The following PDE4D variants were observed in gnomAD, a reference collection of about 807,000 sequenced individuals.
The protein encoded by PDE4D is 3',5'-cyclic-AMP phosphodiesterase 4D.
PDE4D carries 24 observed loss-of-function variants against 87.4 expected under a neutral mutation model. The ratio of observed to expected loss-of-function variants is 0.27; its 90% CI spans 0.20 to 0.39. The LOEUF is 0.39. Among genes scored for constraint, PDE4D ranks in the 10% least tolerant of loss-of-function variants. PDE4D has a pLI of 1.00. For missense variants in PDE4D, 714 were observed against 1,041.0 expected, an observed-to-expected ratio of 0.69 and a Z score of 4.32; for synonymous variants, 384 against 383.2, an observed-to-expected ratio of 1.00 and a Z score of -0.02.
chr5:59,317,769 T>C (rs1774020059), intron 1 of PDE4D, among the ~76,000 whole-genome samples: 1 of 152,040 alleles, frequency 6.6e-6, no homozygotes, highest in South Asian at 2.1e-4. Context: ...CCAAAGAATT[T>C]CCCTTAATTT....
At chr5:60,277,307 C>A (rs1751473302) in intron 1 of PDE4D, among the ~76,000 whole-genome samples, 1 of 151,910 alleles carries the variant, frequency 6.6e-6, no homozygotes, top group Non-Finnish European at 1.5e-5. Flanking sequence ...AAAAATATAT[C>A]CATATCAAAA....
Position 59,767,385 on chromosome 5 carries a change from CAG to C in PDE4D, c.455+125781_455+125782del, listed in dbSNP as rs1464937612. Among the ~76,000 whole-genome samples, 6 of 151,922 alleles carry C rather than the reference CAG, an allele frequency of 3.9e-5. No individual in the cohort carries two copies. The East Asian group carries it at 9.7e-4, about 24-fold the overall frequency. ...GACCCTAGTACTTGGACTCACTGAT[CAG>C]AGTTTGGAATGGCCTCTACTCAGGC... On this transcript the variant is annotated intron_variant, in intron 1 of 14. Coordinates refer to ENST00000340635, the MANE Select transcript of PDE4D (RefSeq NM_001104631.2).
chr5:59,106,815 T>C (rs900374562), intron 5 of PDE4D, among the ~76,000 whole-genome samples: 1 of 152,170 alleles, frequency 6.6e-6, no homozygotes, highest in Non-Finnish European at 1.5e-5. Context: ...AAATATATAC[T>C]ACTTTGGAAA....
chr5:59,183,131 T>C (rs539046207), intron 4 of PDE4D, among the ~76,000 whole-genome samples: 1 of 152,320 alleles, frequency 6.6e-6, no homozygotes, highest in South Asian at 2.1e-4. Flanking sequence ...GAATCGAGTT[T>C]AGCCGTGAAT....
chr5:59,223,035 G>C (rs1267439318), intron 1 of PDE4D, among the ~76,000 whole-genome samples: 1 of 152,134 alleles, frequency 6.6e-6, no homozygotes, highest in Non-Finnish European at 1.5e-5. Context: ...CCTAAAGGGA[G>C]AGATGAAAGA....
chr5:59,790,579 C>T (rs372687328), intron 1 of PDE4D, among the ~76,000 whole-genome samples: 48 of 152,156 alleles, frequency 3.2e-4, no homozygotes, highest in South Asian at 1.0e-3. Context: ...TGTTGACCTA[C>T]GACCAGCTAA....
intron 1 of PDE4D, among the ~76,000 whole-genome samples, chr5:59,311,493 C>A (rs1772593688): frequency 1.1e-5 from 1 of 89,940 alleles, no homozygotes; most frequent in Non-Finnish European, 1.9e-5. Flanking sequence ...GAGAGAGACT[C>A]TGTCTCAAAA....
intron 1 of PDE4D, among the ~76,000 whole-genome samples, chr5:59,663,863 T>G (rs1745647225): frequency 6.6e-6 from 1 of 152,158 alleles, no homozygotes; most frequent in Non-Finnish European, 1.5e-5. Context: ...GTTAACAGAA[T>G]AACATAACAT....
At chr5:59,257,319 A>T (rs531747628) in intron 1 of PDE4D, among the ~76,000 whole-genome samples, 1 of 151,998 alleles carries the variant, frequency 6.6e-6, no homozygotes, top group Admixed American at 6.6e-5. Flanking sequence ...GGTGGCCAGG[A>T]AAAAGAACAC....
chr5:60,185,121 G>A (rs1388928279), intron 2 of PDE4D, among the ~76,000 whole-genome samples: 2 of 152,000 alleles, frequency 1.3e-5, no homozygotes, highest in African/African-American at 2.4e-5. Flanking sequence ...TATATGCCAG[G>A]GTAGAAAGCT....
chr5:59,749,746 T>C (rs186249773), intron 1 of PDE4D, among the ~76,000 whole-genome samples: 14 of 152,280 alleles, frequency 9.2e-5, no homozygotes, highest in Non-Finnish European at 1.8e-4. Flanking sequence ...TCACTTTTAA[T>C]ACCACCTACA....
At chr5:59,762,591 T>A (rs890210556) in intron 1 of PDE4D, among the ~76,000 whole-genome samples, 1 of 145,680 alleles carries the variant, frequency 6.9e-6, no homozygotes, top group Non-Finnish European at 1.5e-5. Flanking sequence ...GGTACACATA[T>A]GTGTATATGT....
At chr5:60,290,719 C>T (rs370931670) in intron 1 of PDE4D, among the ~76,000 whole-genome samples, 2 of 152,218 alleles carry the variant, frequency 1.3e-5, no homozygotes, top group East Asian at 3.9e-4. Context: ...GTGGGAGAAT[C>T]ACCTGAGCTT....
At chr5:59,527,075 G>C (rs748070573) in intron 1 of PDE4D, among the ~76,000 whole-genome samples, 76 of 152,156 alleles carry the variant, frequency 5.0e-4, no homozygotes, top group Admixed American at 7.2e-4. Context: ...GCTTATAACA[G>C]AAAATATAGG....
chr5:59,318,570 G>T (rs933962398), intron 1 of PDE4D, among the ~76,000 whole-genome samples: 1 of 149,774 alleles, frequency 6.7e-6, no homozygotes, highest in East Asian at 1.9e-4. Flanking sequence ...TTAAAAAAAG[G>T]GTTCTGAAAG....
In PDE4D at chr5:59,457,135, T is replaced by C. The variant is rs1800045982; in HGVS notation, c.456-241167A>G. Among the ~76,000 whole-genome samples, 6 of 152,240 alleles carry C rather than the reference T, an allele frequency of 3.9e-5. No homozygotes were observed. The South Asian group carries it at 1.2e-3, about 31-fold the overall frequency. On this transcript the variant is annotated intron_variant, in intron 1 of 14. Transcript: ENST00000340635. ...ATCCTATCAAACAGTATATTACATG[T>C]TGCAGAGAAGTCTTTTATGAAGAGA...
intron 5 of PDE4D, among the ~76,000 whole-genome samples, chr5:59,054,095 A>G (rs988894826): frequency 1.3e-5 from 2 of 152,028 alleles, no homozygotes; most frequent in Admixed American, 6.6e-5. Flanking sequence ...TTGTTTTTCA[A>G]ATTTGTTCTT....
chr5:59,823,235 G>A (rs892559495), intron 1 of PDE4D, among the ~76,000 whole-genome samples: 18 of 151,990 alleles, frequency 1.2e-4, no homozygotes, highest in African/African-American at 2.2e-4. Context: ...TGTCCCTTTC[G>A]CCCCCTGTTT....
chr5:59,185,083 T>C (rs1742580592), intron 4 of PDE4D, 106 bp downstream of exon 4: 4 of 764,414 alleles, frequency 5.2e-6, no homozygotes, highest in African/African-American at 1.7e-5. Flanking sequence ...ACAGACAACA[T>C]GGCAACAACA....
Sources: gnomAD v4.1 joint callset for allele counts (sites outside exome capture counted in the v4.1 genomes callset) on GRCh38, gnomAD v4.1.1 for gene constraint, MANE v1.5 for transcripts, NCBI Gene and HGNC (gene_info 2026-07-23, HGNC 2026-07-21) for gene names.